The following EEF1E1 variants were observed in gnomAD, a reference collection of about 807,000 sequenced individuals.
The protein encoded by EEF1E1 is eukaryotic translation elongation factor 1 epsilon-1.
In EEF1E1, 19 loss-of-function variants were observed where a neutral mutation model predicts 19.9. That is an observed-to-expected ratio of 0.95 (90% CI 0.66 to 1.40). EEF1E1 has a LOEUF of 1.40. Among genes scored for constraint, EEF1E1 ranks in the 40% most tolerant of loss-of-function variants. The pLI is 0.00. For synonymous variants in EEF1E1, 81 were observed against 80.0 expected, an observed-to-expected ratio of 1.01 and a Z score of -0.07; for missense variants, 198 against 202.2, an observed-to-expected ratio of 0.98 and a Z score of 0.13.
intron 3 of EEF1E1, among the ~76,000 whole-genome samples, chr6:8,085,184 T>C (rs1757819244): frequency 2.0e-5 from 3 of 152,198 alleles, no homozygotes; most frequent in African/African-American, 4.8e-5. Context: ...TCTCACTCTG[T>C]TGCCCAGGCT....
downstream of EEF1E1, chr6:8,078,682 C>A (rs1169449325): frequency 7.8e-7 from 1 of 1,285,262 alleles, no homozygotes; most frequent in African/African-American, 1.5e-5. Flanking sequence ...ACTTCAGAGA[C>A]AAACATGGGG....
At chr6:8,096,245 G>A (rs1758171416) in intron 2 of EEF1E1, among the ~76,000 whole-genome samples, 1 of 152,158 alleles carries the variant, frequency 6.6e-6, no homozygotes, top group South Asian at 2.1e-4. Flanking sequence ...TTGGAAAACT[G>A]TAAAAGATGG....
rs143925850 is a variant in EEF1E1 at position 8,084,472 on chromosome 6, A to G, written c.385-4442T>C. ...CAAAACCTGCATAAGCTAGAGGAAA[A>G]GAAAATTTAATTAAACACTTGGTTT... is the stretch of plus-strand genomic sequence containing the variant. On this transcript the variant is annotated intron_variant, in intron 3 of 3. Transcript: ENST00000379715. Among the ~76,000 whole-genome samples the G allele has an allele frequency of 1.8e-3, 272 of 152,354 alleles. 3 individuals are homozygous for G. The highest frequency in any genetic ancestry group is 6.3e-3 in the African/African-American group (261 of 41,592).
chr6:8,096,302 G>C (rs1758172821), intron 2 of EEF1E1, among the ~76,000 whole-genome samples: 1 of 152,200 alleles, frequency 6.6e-6, no homozygotes, highest in South Asian at 2.1e-4. Flanking sequence ...CACTTGGAGG[G>C]AGGATATGAC....
At chr6:8,101,890 A>G in intron 1 of EEF1E1, 1 of 1,257,238 alleles carries the variant, frequency 8.0e-7, no homozygotes, top group Non-Finnish European at 1.0e-6. Flanking sequence ...TCTGCCATTT[A>G]TGGTGCAACG....
intron 1 of EEF1E1, among the ~76,000 whole-genome samples, chr6:8,099,751 A>AACACACACACACACACAC (rs1554099744): frequency 2.2e-5 from 2 of 92,928 alleles, no homozygotes; most frequent in African/African-American, 1.0e-4. Context: ...CCGCCTCAAA[A>AACACACACACACACACAC]ACACACACAC....
intron 1 of EEF1E1, chr6:8,102,031 C>T (rs1758380266): frequency 8.4e-7 from 1 of 1,191,408 alleles, no homozygotes; most frequent in African/African-American, 1.6e-5. Flanking sequence ...CTACCTGGCA[C>T]CCTGTTAGCT....
chr6:8,087,535 T>A (rs1164968869), intron 3 of EEF1E1, among the ~76,000 whole-genome samples: 1 of 152,124 alleles, frequency 6.6e-6, no homozygotes, highest in Non-Finnish European at 1.5e-5. Context: ...GTATTTTTAG[T>A]AGAGATGGGG....
chr6:8,096,737 T>C (rs1472951521), intron 2 of EEF1E1, among the ~76,000 whole-genome samples: 2 of 152,084 alleles, frequency 1.3e-5, no homozygotes, highest in Non-Finnish European at 2.9e-5. Flanking sequence ...TCTGAAGCTA[T>C]ATCCAGTAGA....
chr6:8,098,120 C>CTT lies in EEF1E1; in HGVS notation c.88-655_88-654dup, dbSNP rs34936886. 2.2e-3 allele frequency among the ~76,000 whole-genome samples: 326 copies of CTT among 146,466 alleles called. 1 individual carries two copies. The highest frequency in any genetic ancestry group is 7.6e-3 in the African/African-American group (306 of 40,272). On this transcript the variant is annotated intron_variant, in intron 1 of 3. Transcript: ENST00000379715. ...CTTAGCAATGAAATAGAAATAGTAT[C>CTT]TTTTTTTTTTTTCATTTGAGACGGA...
Position 8,079,899 on chromosome 6 carries a change from A to T in EEF1E1, c.516T>A (p.Asn172Lys). The change falls in exon 4 of 4, where the codon AAT becomes AAA. Residue 172 changes from asparagine to lysine, a missense_variant. Coordinates refer to ENST00000379715, the MANE Select transcript of EEF1E1 (RefSeq NM_004280.5). ...ATGGCATGGACAGCTTCTAGTGGGA[A>T]TTAGTATATAGTCTGTTCTTGATGA... ...VVFIKNRLYT[N>K]SH 6.2e-7 allele frequency: 1 copy of T among 1,611,940 alleles called. No homozygotes were observed.
At chr6:8,085,773 A>C (rs1757837661) in intron 3 of EEF1E1, among the ~76,000 whole-genome samples, 1 of 152,176 alleles carries the variant, frequency 6.6e-6, no homozygotes, top group African/African-American at 2.4e-5. Flanking sequence ...AGGCCATCCA[A>C]ATCTTCAGAT....
chr6:8,094,039 T>C (rs1758097885), intron 2 of EEF1E1, among the ~76,000 whole-genome samples: 1 of 152,094 alleles, frequency 6.6e-6, no homozygotes, highest in Admixed American at 6.5e-5. Context: ...CCTCAAGTGA[T>C]CTGCCTGCCT....
At chr6:8,091,495 ACT>A (rs1758009760) in intron 2 of EEF1E1, among the ~76,000 whole-genome samples, 1 of 152,008 alleles carries the variant, frequency 6.6e-6, no homozygotes, top group Admixed American at 6.6e-5. Context: ...CTGCCTTTTC[ACT>A]CTGTTGTCTC....
chr6:8,078,839 CTTTTTA>C, downstream of EEF1E1: 1 of 1,128,140 alleles, frequency 8.9e-7, no homozygotes, highest in Non-Finnish European at 1.1e-6. Context: ...TTAGCATTAT[CTTTTTA>C]TTTTTAGAAA....
downstream of EEF1E1, among the ~76,000 whole-genome samples, chr6:8,077,144 C>T (rs548658911): frequency 2.5e-4 from 38 of 152,100 alleles, no homozygotes; most frequent in Admixed American, 1.0e-3. Flanking sequence ...GGGGTTTCAC[C>T]GTGTTAGCCA....
At chr6:8,088,317 G>A (rs929237011) in intron 3 of EEF1E1, among the ~76,000 whole-genome samples, 4 of 152,162 alleles carry the variant, frequency 2.6e-5, no homozygotes, top group Non-Finnish European at 5.9e-5. Flanking sequence ...GCAGAGAGGA[G>A]ATTCAGGTAA....
rs1385008739 is a variant in EEF1E1 at position 8,079,702 on chromosome 6, C to T, written c.*188G>A. ...TTGTTTAATAGCAATTGAATTTTGA[C>T]ATAAAAATTGCAAAACTTCAGCTAA... is the stretch of plus-strand genomic sequence containing the variant. On this transcript the variant is annotated 3_prime_UTR_variant, in exon 4 of 4. Transcript: ENST00000379715. 1 of 1,268,282 alleles carries T rather than the reference C, an allele frequency of 7.9e-7. No homozygotes were observed. Among genetic ancestry groups the T allele is most frequent in the Non-Finnish European group, 1.0e-6 (1 of 1,004,174 alleles). 78.6% of individuals were successfully genotyped at this position (1,268,282 alleles called of 1,614,324 possible). A position where few individuals can be genotyped will look rare whatever the true frequency, so the allele number is the denominator to read the frequency against.
Position 8,097,436 on chromosome 6 carries a change from C to T in EEF1E1, c.119G>A (p.Ser40Asn), listed in dbSNP as rs1025052613. ...IPVLQTNNGP[S>N]LTGLTTIAAH... ...TGCTATAGTAGTCAATCCTGTTAGA[C>T]TTGGACCATTGTTTGTCTGAAGAAC... The change falls in exon 2 of 4, where the codon AGT (serine) becomes AAT (asparagine). Residue 40 changes from serine (S) to asparagine (N), a missense_variant. Ser to Asn is a conservative substitution (Grantham distance 46). Coordinates refer to ENST00000379715, the MANE Select transcript of EEF1E1 (RefSeq NM_004280.5). The T allele has an allele frequency of 6.8e-6, 11 of 1,613,882 alleles. No homozygotes were observed. Among genetic ancestry groups the T allele is most frequent in the Non-Finnish European group, 7.6e-6 (9 of 1,180,008 alleles).
Sources: allele counts gnomAD v4.1 joint callset (sites outside exome capture counted in the v4.1 genomes callset), GRCh38; gene constraint gnomAD v4.1.1; transcripts MANE v1.5; gene names NCBI Gene and HGNC (gene_info 2026-07-23, HGNC 2026-07-21).